LRBA: variants seen among roughly 807,000 people sequenced by gnomAD.
The protein encoded by LRBA is lipopolysaccharide-responsive and beige-like anchor protein.
In LRBA, 176 loss-of-function variants were observed where a neutral mutation model predicts 330.0. The ratio of observed to expected loss-of-function variants is 0.53; its 90% CI spans 0.47 to 0.60. The LOEUF (loss-of-function observed/expected upper bound fraction) is 0.60, where lower values mean the gene tolerates loss of function less well. Ranked by LOEUF, LRBA falls within the 20% of genes least tolerant of loss-of-function variation. LRBA has a pLI of 0.00. For missense variants in LRBA, 3,259 were observed against 3,444.8 expected (o/e 0.95, Z 1.35); for synonymous variants, 1,230 against 1,193.0 (o/e 1.03, Z -0.64).
chr4:150,656,350 G>A (rs1320440124), intron 37 of LRBA, among the ~76,000 whole-genome samples: 2 of 152,178 alleles, frequency 1.3e-5, no homozygotes, highest in South Asian at 2.1e-4. Context: ...TTCTGGCTGG[G>A]TACTCAGGAG....
rs185343964 is a variant in LRBA at position 150,687,844 on chromosome 4, G to A, written c.5755-4127C>T. Among the ~76,000 whole-genome samples the A allele has an allele frequency of 2.6e-4, 40 of 152,150 alleles. 1 individual carries two copies. The highest frequency in any genetic ancestry group is 7.4e-5 in the Non-Finnish European group (5 of 67,996). On this transcript the variant is annotated intron_variant, in intron 36 of 56. Coordinates refer to ENST00000651943, the MANE Select transcript of LRBA (RefSeq NM_001364905.1). ...AAAAACATTCCATGCTCATGGATAGGAAGAATCAATATCATGAAAATGGCC... is the reference window on the plus strand; with the variant it reads ...AAAAACATTCCATGCTCATGGATAGAAAGAATCAATATCATGAAAATGGCC...
chr4:150,672,911 C>T (rs953725656), intron 37 of LRBA, among the ~76,000 whole-genome samples: 4 of 151,910 alleles, frequency 2.6e-5, no homozygotes, highest in South Asian at 4.2e-4. Context: ...AATGCATCAA[C>T]GGAAGGAAGA....
intron 34 of LRBA, among the ~76,000 whole-genome samples, chr4:150,762,632 C>T (rs1343520203): frequency 1.3e-5 from 2 of 151,312 alleles, no homozygotes; most frequent in East Asian, 1.9e-4. Context: ...TGTGTATGTG[C>T]GTGTGTGTGT....
chr4:150,709,075 T>C (rs1432085557), intron 36 of LRBA, among the ~76,000 whole-genome samples: 1 of 151,784 alleles, frequency 6.6e-6, no homozygotes, highest in Non-Finnish European at 1.5e-5. Flanking sequence ...AATTTTACTC[T>C]CCACAATAAA....
intron 26 of LRBA, among the ~76,000 whole-genome samples, chr4:150,845,002 T>C (rs1473121331): frequency 6.6e-6 from 1 of 152,202 alleles, no homozygotes; most frequent in Non-Finnish European, 1.5e-5. Context: ...GGAGGCAGTA[T>C]GGCCTAGTGG....
intron 40 of LRBA, among the ~76,000 whole-genome samples, chr4:150,546,745 G>A (rs973773989): frequency 2.0e-5 from 3 of 152,242 alleles, no homozygotes; most frequent in African/African-American, 4.8e-5. Context: ...AAAAAATGAC[G>A]ATTAGTTGTT....
intron 37 of LRBA, among the ~76,000 whole-genome samples, chr4:150,674,225 C>A (rs1782330084): frequency 6.7e-6 from 1 of 150,006 alleles, no homozygotes. Context: ...TGAAAACAGG[C>A]TAAAGAAGTA....
intron 44 of LRBA, among the ~76,000 whole-genome samples, chr4:150,453,627 A>C (rs1753660712): frequency 6.6e-6 from 1 of 152,214 alleles, no homozygotes; most frequent in African/African-American, 2.4e-5. Context: ...GTAGATAGTC[A>C]ATTACATAAT....
Position 150,549,228 on chromosome 4 carries a change from T to C in LRBA, c.6330+38820A>G, listed in dbSNP as rs78837275. 3.9e-5 allele frequency among the ~76,000 whole-genome samples: 6 copies of C among 152,224 alleles called. No individual in the cohort carries two copies. In the East Asian group the frequency reaches 1.2e-3, roughly 29 times the overall value. On this transcript the variant is annotated intron_variant, in intron 40 of 56. Coordinates refer to ENST00000651943, the MANE Select transcript of LRBA (RefSeq NM_001364905.1). Reference sequence around the variant, plus strand: ...ATAACTAAAATTTTAATGTTTCATATGACATTTTTTAGTTCGTACTGATTT... The same window carrying C: ...ATAACTAAAATTTTAATGTTTCATACGACATTTTTTAGTTCGTACTGATTT...
At chr4:151,001,894 C>A (rs1743383061) in intron 2 of LRBA, among the ~76,000 whole-genome samples, 1 of 152,088 alleles carries the variant, frequency 6.6e-6, no homozygotes, top group Non-Finnish European at 1.5e-5. Context: ...CTGAAAAGTG[C>A]CAAACATGGC....
intron 52 of LRBA, among the ~76,000 whole-genome samples, chr4:150,307,870 T>C (rs1730564708): frequency 1.3e-5 from 2 of 152,192 alleles, no homozygotes; most frequent in Admixed American, 1.3e-4. Flanking sequence ...AAGGCTTGAA[T>C]GGTGATGTTT....
intron 37 of LRBA, among the ~76,000 whole-genome samples, chr4:150,674,742 T>C (rs1338602787): frequency 6.6e-6 from 1 of 150,870 alleles, no homozygotes; most frequent in East Asian, 2.0e-4. Flanking sequence ...GGGCATGGTG[T>C]CATGTGCCTG....
At position 150,324,315 on chromosome 4, in the gene LRBA, C is replaced by A. The variant is rs1581013807; in HGVS notation, c.7452+1494G>T. Among the ~76,000 whole-genome samples the A allele has an allele frequency of 4.6e-5, 7 of 152,292 alleles. 2 individuals carry two copies. Among genetic ancestry groups the A allele is most frequent in the Admixed American group, 6.5e-5 (1 of 15,296 alleles). On this transcript the variant is annotated intron_variant, in intron 49 of 56. Transcript: ENST00000651943. Reference sequence around the variant, plus strand: ...GCTAATTCCAAATGCAAACATAAATCATTCTTACTATTTTTATGGCACTAT... The same window carrying A: ...GCTAATTCCAAATGCAAACATAAATAATTCTTACTATTTTTATGGCACTAT...
intron 48 of LRBA, among the ~76,000 whole-genome samples, chr4:150,337,994 C>T (rs1249240375): frequency 6.6e-6 from 1 of 152,138 alleles, no homozygotes; most frequent in Middle Eastern, 3.2e-3. Context: ...AAATGCTTTT[C>T]CTTGGATAAG....
chr4:150,594,648 TAATA>T (rs1773288842), intron 38 of LRBA, among the ~76,000 whole-genome samples: 1 of 152,098 alleles, frequency 6.6e-6, no homozygotes, highest in Non-Finnish European at 1.5e-5. Context: ...TATTCTAGTT[TAATA>T]TTTATCCTAA....
At chr4:150,736,990 G>C (rs1205278746) in intron 35 of LRBA, among the ~76,000 whole-genome samples, 1 of 152,108 alleles carries the variant, frequency 6.6e-6, no homozygotes, top group African/African-American at 2.4e-5. Context: ...CGGGCGAGAG[G>C]ATCACATGAG....
chr4:150,367,188 T>TTATA (rs1739578243), intron 47 of LRBA, among the ~76,000 whole-genome samples: 1 of 152,214 alleles, frequency 6.6e-6, no homozygotes, highest in Non-Finnish European at 1.5e-5. Context: ...AAAACTAAAC[T>TTATA]TATAATTTAT....
At chr4:150,456,739 A>G (rs1389565129) in intron 44 of LRBA, among the ~76,000 whole-genome samples, 1 of 152,124 alleles carries the variant, frequency 6.6e-6, no homozygotes, top group Non-Finnish European at 1.5e-5. Context: ...ACTACTCAAG[A>G]AATCTTTGTG....
chr4:150,293,486 A>C (rs950619209), intron 53 of LRBA, among the ~76,000 whole-genome samples: 2 of 152,218 alleles, frequency 1.3e-5, no homozygotes, highest in Non-Finnish European at 2.9e-5. Context: ...CAATTTGATT[A>C]GACATATAGA....
Sources: gnomAD v4.1 joint callset for allele counts (sites outside exome capture counted in the v4.1 genomes callset) on GRCh38, gnomAD v4.1.1 for gene constraint, MANE v1.5 for transcripts, NCBI Gene and HGNC (gene_info 2026-07-23, HGNC 2026-07-21) for gene names.